Variants in SORCS3 observed in about 807,000 individuals in gnomAD.
SORCS3 encodes sortilin related VPS10 domain containing receptor 3, also known as VPS10 domain-containing receptor SorCS3.
A neutral mutation model predicts 146.3 loss-of-function variants in SORCS3; 57 were observed. The ratio of observed to expected loss-of-function variants is 0.39; its 90% CI spans 0.31 to 0.49. SORCS3 has a LOEUF of 0.49. SORCS3 is among the 20% of genes least tolerant of loss of function. SORCS3 has a pLI of 0.92. For missense variants in SORCS3, 1,341 were observed against 1,575.5 expected (o/e 0.85, Z 2.52); for synonymous variants, 653 against 618.5 (o/e 1.06, Z -0.83).
At chr10:104,947,136 C>T (rs147185009) in intron 3 of SORCS3, among the ~76,000 whole-genome samples, 1 of 152,274 alleles carries the variant, frequency 6.6e-6, no homozygotes, top group Non-Finnish European at 1.5e-5. Flanking sequence ...CTTATCCTCA[C>T]TGCTCCATCA....
At chr10:105,147,492 T>C in intron 8 of SORCS3, 125 bp from the exon 9 acceptor site, 1 of 751,380 alleles carries the variant, frequency 1.3e-6, no homozygotes, top group Non-Finnish European at 2.0e-6. Flanking sequence ...CATGGAATTG[T>C]TTAACATTGC....
At position 105,167,367 on chromosome 10, in the gene SORCS3, C is replaced by T. The variant is rs774530029; in HGVS notation, c.1901+18C>T. On this transcript the variant is annotated intron_variant, in intron 13 of 26. Transcript: ENST00000369701. The stretch of plus-strand genomic sequence containing the variant: ...CATTTGTGGTAAGGAGAGCTCCCTA[C>T]CCTATTAATGAGCTAATGAGCAGCT... The T allele has an allele frequency of 6.3e-7, 1 of 1,595,304 alleles. No homozygotes were observed. The highest frequency in any genetic ancestry group is 1.1e-5 in the South Asian group (1 of 90,404).
chr10:104,965,983 C>G (rs1290712525), intron 3 of SORCS3, among the ~76,000 whole-genome samples: 1 of 151,976 alleles, frequency 6.6e-6, no homozygotes, highest in Non-Finnish European at 1.5e-5. Flanking sequence ...AGCATACATG[C>G]ATATTGGTGT....
chr10:104,739,531 C>T (rs2016816013), intron 1 of SORCS3, among the ~76,000 whole-genome samples: 1 of 152,142 alleles, frequency 6.6e-6, no homozygotes, highest in South Asian at 2.1e-4. Context: ...CTGTCTTCAT[C>T]ACCAACGAGT....
In SORCS3 at chr10:105,214,551, A is replaced by G. The variant is rs771562176; in HGVS notation, c.2485A>G (p.Thr829Ala). The change falls in exon 18 of 27, where the codon ACC (threonine) becomes GCC (alanine). Residue 829 changes from threonine to alanine, a missense_variant. Physicochemically the swap from Thr to Ala is moderately conservative, Grantham distance 58. Coordinates refer to ENST00000369701, the MANE Select transcript of SORCS3 (RefSeq NM_014978.3). ...KAPRGLHVVT[T>A]DGRLVAEQGH... ...CCCTCGGGGCCTCCATGTGGTGACG[A>G]CCGATGGGCGGCTGGTGGCAGAGCA... The G allele has an allele frequency of 6.2e-7, 1 of 1,611,456 alleles. No individual in the cohort carries two copies. The highest frequency in any genetic ancestry group is 8.5e-7 in the Non-Finnish European group (1 of 1,178,982).
At chr10:104,667,624 C>T (rs767150378) in intron 1 of SORCS3, among the ~76,000 whole-genome samples, 13 of 152,260 alleles carry the variant, frequency 8.5e-5, no homozygotes, top group Non-Finnish European at 1.2e-4. Context: ...TCTTAACAAA[C>T]GCTGGCTGAT....
chr10:105,067,759 A>G (rs1054141467), intron 5 of SORCS3, among the ~76,000 whole-genome samples: 1 of 151,920 alleles, frequency 6.6e-6, no homozygotes, highest in Non-Finnish European at 1.5e-5. Flanking sequence ...TTCTCATCCT[A>G]CTTGACTTCA....
intron 14 of SORCS3, among the ~76,000 whole-genome samples, chr10:105,194,876 A>C (rs1482919644): frequency 1.3e-5 from 2 of 152,316 alleles, no homozygotes; most frequent in East Asian, 3.9e-4. Context: ...TCAAATACTT[A>C]GGTACCTCAA....
At chr10:104,858,661 G>A (rs1232991411) in intron 2 of SORCS3, among the ~76,000 whole-genome samples, 4 of 148,512 alleles carry the variant, frequency 2.7e-5, no homozygotes, top group Admixed American at 6.7e-5. Context: ...TCGCTCTGTC[G>A]CCCAGGCTGG....
intron 1 of SORCS3, among the ~76,000 whole-genome samples, chr10:104,835,323 A>G (rs1236390515): frequency 6.6e-6 from 1 of 151,886 alleles, no homozygotes; most frequent in Non-Finnish European, 1.5e-5. Flanking sequence ...ATTGTCTACC[A>G]CTCCTGGTAA....
chr10:105,201,202 C>T lies in SORCS3; in HGVS notation c.2210C>T (p.Ser737Leu). 1 of 1,611,700 alleles carries T rather than the reference C, an allele frequency of 6.2e-7. No homozygotes were observed. Among genetic ancestry groups the T allele is most frequent in the Non-Finnish European group, 8.5e-7 (1 of 1,178,870 alleles). ...CAGTGTGCCCTGGGCCGAGACCACT[C>T]AGGATCAGTGGTCTCAGAACCCTGT... ...GAQCALGRDH[S>L]GSVVSEPCVC... Residue 737 changes from serine to leucine, a missense_variant, in exon 16 of 27, where the codon TCA becomes TTA. Coordinates refer to ENST00000369701, the MANE Select transcript of SORCS3 (RefSeq NM_014978.3).
At chr10:105,158,868 A>G (rs1223186571) in intron 10 of SORCS3, 24 bp from the exon 11 acceptor site, 1 of 1,579,218 alleles carries the variant, frequency 6.3e-7, no homozygotes, top group Admixed American at 1.7e-5. Context: ...TCCTAGAATG[A>G]AACTATTTCT....
intron 20 of SORCS3, among the ~76,000 whole-genome samples, chr10:105,223,795 C>T (rs932730616): frequency 6.6e-6 from 1 of 152,230 alleles, no homozygotes; most frequent in Non-Finnish European, 1.5e-5. Context: ...CCATATACTC[C>T]CTACTTCCAG....
chr10:104,841,307 T>C lies in SORCS3; in HGVS notation c.628-1485T>C, dbSNP rs1165484249. ...ATAAGACAGGTAGCTTGGTAGAGTCTACTGTTCTACAAATAGCCATGCCAC... is the reference window on the plus strand; with the variant it reads ...ATAAGACAGGTAGCTTGGTAGAGTCCACTGTTCTACAAATAGCCATGCCAC... On this transcript the variant is annotated intron_variant, in intron 1 of 26. Transcript: ENST00000369701. Among the ~76,000 whole-genome samples, 4 of 152,144 alleles carry C rather than the reference T, an allele frequency of 2.6e-5. No individual in the cohort carries two copies. The Admixed American group carries it at 2.6e-4, about 10-fold the overall frequency.
At chr10:104,651,553 A>AAAT (rs2015559654) in intron 1 of SORCS3, among the ~76,000 whole-genome samples, 1 of 150,886 alleles carries the variant, frequency 6.6e-6, no homozygotes, top group African/African-American at 2.4e-5. Context: ...AAAAAAAAAA[A>AAAT]ACACAAAAAT....
chr10:104,891,248 G>C (rs1257569262), intron 2 of SORCS3, among the ~76,000 whole-genome samples: 1 of 152,136 alleles, frequency 6.6e-6, no homozygotes, highest in Non-Finnish European at 1.5e-5. Context: ...GTGAACTTCT[G>C]GAATTGTTCC....
chr10:104,960,527 G>A, intron 3 of SORCS3, among the ~76,000 whole-genome samples: 1 of 152,102 alleles, frequency 6.6e-6, no homozygotes, highest in East Asian at 1.9e-4. Context: ...GGGGGACTGA[G>A]CACACCAACA....
At chr10:104,996,322 G>C (rs2055027201) in intron 4 of SORCS3, among the ~76,000 whole-genome samples, 1 of 152,124 alleles carries the variant, frequency 6.6e-6, no homozygotes, top group Non-Finnish European at 1.5e-5. Flanking sequence ...TGAGTCTTCT[G>C]ATTTGTGAAC....
chr10:105,208,191 A>T (rs1467233659), intron 16 of SORCS3, among the ~76,000 whole-genome samples: 1 of 152,084 alleles, frequency 6.6e-6, no homozygotes, highest in Non-Finnish European at 1.5e-5. Context: ...AAATACAAAA[A>T]TTAACCGGGC....
Sources: gnomAD v4.1 joint callset for allele counts (sites outside exome capture counted in the v4.1 genomes callset) on GRCh38, gnomAD v4.1.1 for gene constraint, MANE v1.5 for transcripts, NCBI Gene and HGNC (gene_info 2026-07-23, HGNC 2026-07-21) for gene names.